Variants in TPRX1 observed in about 807,000 individuals in gnomAD.
The protein encoded by TPRX1 is tetrapeptide repeat homeobox 1.
Under a neutral mutation model 8.1 loss-of-function variants are expected in TPRX1, and 2 were observed. The ratio of observed to expected loss-of-function variants is 0.25; its 90% CI spans 0.10 to 0.78. The LOEUF (loss-of-function observed/expected upper bound fraction) is 0.78, where lower values mean the gene tolerates loss of function less well. Among genes scored for constraint, TPRX1 ranks in the 30% least tolerant of loss-of-function variants. The pLI, the probability that TPRX1 is intolerant of heterozygous loss-of-function variation, is 0.70. For synonymous variants in TPRX1, 257 were observed against 254.1 expected, an observed-to-expected ratio of 1.01 and a Z score of -0.11; for missense variants, 517 against 586.9, an observed-to-expected ratio of 0.88 and a Z score of 1.23.
At chr19:47,808,376 A>T (rs1226406399) in intron 2 of TPRX1, among the ~76,000 whole-genome samples, 1 of 151,628 alleles carries the variant, frequency 6.6e-6, no homozygotes, top group Non-Finnish European at 1.5e-5. Flanking sequence ...CAGCCTCCCA[A>T]AGTTCTGGGA....
exon 4 of TPRX1, chr19:47,802,568 G>A: frequency 6.4e-7 from 1 of 1,551,048 alleles, no homozygotes; most frequent in South Asian, 1.2e-5. Flanking sequence ...GCCACGGAAT[G>A]GGCCTGGGAT....
At chr19:47,813,882 G>T (rs1967807465) in intron 2 of TPRX1, among the ~76,000 whole-genome samples, 1 of 150,670 alleles carries the variant, frequency 6.6e-6, no homozygotes, top group Admixed American at 6.7e-5. Flanking sequence ...CCAGGTGCCA[G>T]GACGGCCACC....
At chr19:47,814,227 C>T (rs1967811045) in intron 2 of TPRX1, among the ~76,000 whole-genome samples, 1 of 151,922 alleles carries the variant, frequency 6.6e-6, no homozygotes. Flanking sequence ...AGCATATTTT[C>T]GTATTTCAGT....
chr19:47,818,359 TC>T (rs1315271183), intron 2 of TPRX1: 2 of 334,428 alleles, frequency 6.0e-6, no homozygotes, highest in Admixed American at 3.2e-5. Context: ...CATCCATCCA[TC>T]CATCCATCAT....
chr19:47,807,175 G>A (rs1415345285), intron 2 of TPRX1, among the ~76,000 whole-genome samples: 1 of 152,062 alleles, frequency 6.6e-6, no homozygotes, highest in Admixed American at 6.6e-5. Flanking sequence ...CAAAGTGCTG[G>A]GATTACAGGT....
intron 2 of TPRX1, among the ~76,000 whole-genome samples, chr19:47,812,515 A>G (rs553833166): frequency 1.9e-4 from 29 of 149,914 alleles, no homozygotes; most frequent in African/African-American, 5.6e-4. Context: ...AGGAGGATCA[A>G]TTGAGGTGAG....
intron 2 of TPRX1, among the ~76,000 whole-genome samples, chr19:47,817,630 G>A (rs116572687): frequency 0.06 from 9,132 of 152,162 alleles, 892 homozygotes; most frequent in African/African-American, 0.21. Flanking sequence ...CTTCACCCCC[G>A]AGTCTGCCTG....
intron 2 of TPRX1, among the ~76,000 whole-genome samples, chr19:47,815,163 T>TATATATGCAAA (rs201060804): frequency 1.2e-5 from 1 of 86,298 alleles, no homozygotes; most frequent in African/African-American, 5.6e-5. Context: ...TATATATATA[T>TATATATGCAAA]TTTTTTTTTT....
At chr19:47,816,179 A>G (rs1599957722) in intron 2 of TPRX1, among the ~76,000 whole-genome samples, 1 of 150,622 alleles carries the variant, frequency 6.6e-6, no homozygotes. Flanking sequence ...AGCAATTCTC[A>G]TGCCTCAGCC....
intron 2 of TPRX1, among the ~76,000 whole-genome samples, chr19:47,815,276 T>C (rs1967829343): frequency 6.8e-6 from 1 of 146,864 alleles, no homozygotes; most frequent in African/African-American, 2.5e-5. Flanking sequence ...TGCCTCAGCC[T>C]CCTGAGTAGT....
At position 47,802,985 on chromosome 19, in the gene TPRX1, G is replaced by C. The variant is rs538092726; in HGVS notation, c.322-5C>G. On this transcript the variant is annotated splice_polypyrimidine_tract_variant and splice_region_variant and intron_variant, in intron 3 of 3. Coordinates refer to ENST00000535759, the Ensembl canonical transcript of TPRX1. ...GCGGCGATTCTTGAACCACACCTGGGGGGCAGAGGGGACAGGGAGAAGGTG... is the reference window on the plus strand; with the variant it reads ...GCGGCGATTCTTGAACCACACCTGGCGGGCAGAGGGGACAGGGAGAAGGTG... The C allele has an allele frequency of 4.1e-4, 627 of 1,541,824 alleles. No homozygotes were observed. Among genetic ancestry groups the C allele is most frequent in the East Asian group, 4.9e-4 (21 of 42,986 alleles).
At chr19:47,808,708 G>T (rs1344944736) in intron 2 of TPRX1, among the ~76,000 whole-genome samples, 1 of 146,252 alleles carries the variant, frequency 6.8e-6, no homozygotes, top group Non-Finnish European at 1.5e-5. Context: ...CGCGCACCTT[G>T]GCCTCCCAAA....
chr19:47,803,075 T>G (rs35929167), intron 3 of TPRX1, 95 bp from the exon 3 acceptor site: 4 of 1,390,310 alleles, frequency 2.9e-6, no homozygotes, highest in East Asian at 2.5e-5. Context: ...AGCCTCTCCC[T>G]GTGCTCAACA....
intron 2 of TPRX1, among the ~76,000 whole-genome samples, chr19:47,811,810 C>G (rs1967786609): frequency 6.7e-6 from 1 of 149,908 alleles, no homozygotes; most frequent in African/African-American, 2.5e-5. Context: ...GGCAACTTCA[C>G]AGAACATAAC....
intron 2 of TPRX1, among the ~76,000 whole-genome samples, chr19:47,805,736 C>G (rs1967730100): frequency 6.6e-6 from 1 of 152,146 alleles, no homozygotes; most frequent in Non-Finnish European, 1.5e-5. Flanking sequence ...ATGCTGGGAA[C>G]ACAGTAGTGA....
At position 47,814,030 on chromosome 19, in the gene TPRX1, TA is replaced by T. The variant is rs1467656085; in HGVS notation, c.151+4437del. ...CCCTGGCTGTTTAGGGAACCACATT[TA>T]AGGGGTTAGAAGGGTGCCAACATTG... is the stretch of plus-strand genomic sequence containing the variant. On this transcript the variant is annotated intron_variant, in intron 2 of 3. Transcript: ENST00000535759. Among the ~76,000 whole-genome samples the T allele has an allele frequency of 1.7e-4, 25 of 149,254 alleles. No homozygotes were observed. The East Asian group carries it at 4.9e-3, about 29-fold the overall frequency.
intron 2 of TPRX1, among the ~76,000 whole-genome samples, chr19:47,815,551 G>T (rs1967832011): frequency 6.9e-6 from 1 of 145,936 alleles, no homozygotes; most frequent in Non-Finnish European, 1.5e-5. Context: ...GCTCATGCCT[G>T]TAATCCCAGC....
chr19:47,812,650 G>A (rs1345129995), intron 2 of TPRX1, among the ~76,000 whole-genome samples: 1 of 152,016 alleles, frequency 6.6e-6, no homozygotes, highest in Non-Finnish European at 1.5e-5. Context: ...CAGGAGAATC[G>A]CTTGAACCCA....
chr19:47,809,710 C>T (rs1967765378), intron 2 of TPRX1, among the ~76,000 whole-genome samples: 1 of 152,064 alleles, frequency 6.6e-6, no homozygotes, highest in African/African-American at 2.4e-5. Flanking sequence ...ACCTGGAAAA[C>T]AAGAAGCATT....
Sources: allele counts gnomAD v4.1 joint callset (sites outside exome capture counted in the v4.1 genomes callset), GRCh38; gene constraint gnomAD v4.1.1; transcripts MANE v1.5; gene names NCBI Gene and HGNC (gene_info 2026-07-23, HGNC 2026-07-21).